Variants in HDAC9 observed in about 807,000 individuals in gnomAD.
HDAC9 encodes the protein MEF-2 interacting transcription repressor (MITR) protein.
HDAC9 carries 41 observed loss-of-function variants against 139.4 expected under a neutral mutation model. The observed-to-expected ratio is 0.29, with a 90% confidence interval of 0.23 to 0.38. The LOEUF (loss-of-function observed/expected upper bound fraction) is 0.38. HDAC9 is among the 10% of genes least tolerant of loss of function. HDAC9 has a pLI of 1.00. For missense variants in HDAC9, 1,147 were observed against 1,297.0 expected (o/e 0.88, Z 1.78); for synonymous variants, 517 against 476.2 (o/e 1.09, Z -1.12).
At chr7:18,455,442 A>C (rs1793255165) in intron 1 of HDAC9, among the ~76,000 whole-genome samples, 1 of 152,200 alleles carries the variant, frequency 6.6e-6, no homozygotes, top group Admixed American at 6.5e-5. Context: ...TACAGCATTT[A>C]AATGAAATGG....
chr7:18,137,362 A>G (rs933744484), intron 1 of HDAC9, among the ~76,000 whole-genome samples: 1 of 150,424 alleles, frequency 6.6e-6, no homozygotes, highest in Non-Finnish European at 1.5e-5. Context: ...GTGGTGAGAG[A>G]GGGCATCCCT....
chr7:18,354,328 G>T (rs1489725371), intron 1 of HDAC9, among the ~76,000 whole-genome samples: 3 of 152,092 alleles, frequency 2.0e-5, no homozygotes, highest in Admixed American at 6.6e-5. Flanking sequence ...TAACCATTAT[G>T]CAATAATGAA....
At chr7:18,920,785 C>A (rs181613961) in intron 22 of HDAC9, among the ~76,000 whole-genome samples, 2,074 of 152,112 alleles carry the variant, frequency 0.014, 47 homozygotes, top group African/African-American at 0.047. Flanking sequence ...TGTTTATATG[C>A]TGGATTACAT....
chr7:18,814,127 T>C (rs1794392920), intron 17 of HDAC9, among the ~76,000 whole-genome samples: 1 of 152,192 alleles, frequency 6.6e-6, no homozygotes, highest in African/African-American at 2.4e-5. Context: ...TTCTTCAGAC[T>C]CTACATCACT....
At chr7:18,594,052 C>CT (rs767649544) in intron 6 of HDAC9, 23 bp downstream of exon 6, 6 of 1,611,074 alleles carry the variant, frequency 3.7e-6, no homozygotes, top group South Asian at 3.3e-5. Flanking sequence ...AACAGGAACT[C>CT]TGTTTGCTCT....
chr7:18,904,095 G>T (rs1801982987), intron 22 of HDAC9, among the ~76,000 whole-genome samples: 1 of 152,240 alleles, frequency 6.6e-6, no homozygotes. Context: ...GAACAAGTAC[G>T]AGCTTTAGCA....
At chr7:18,507,046 T>C (rs1164988159) in intron 2 of HDAC9, among the ~76,000 whole-genome samples, 2 of 152,052 alleles carry the variant, frequency 1.3e-5, no homozygotes, top group African/African-American at 4.8e-5. Context: ...TTTTATATTT[T>C]ACTATTAACT....
chr7:18,283,861 T>A (rs1797263243), intron 2 of HDAC9, among the ~76,000 whole-genome samples: 1 of 152,180 alleles, frequency 6.6e-6, no homozygotes, highest in African/African-American at 2.4e-5. Context: ...TACTTTGGAT[T>A]TTTGGAAAGT....
At chr7:18,569,330 C>T (rs1469684785) in intron 2 of HDAC9, among the ~76,000 whole-genome samples, 2 of 152,032 alleles carry the variant, frequency 1.3e-5, no homozygotes, top group Admixed American at 1.3e-4. Flanking sequence ...AAATTGTTTT[C>T]CCAACCATTA....
intron 2 of HDAC9, among the ~76,000 whole-genome samples, chr7:18,270,691 A>G (rs951435673): frequency 1.3e-5 from 2 of 152,168 alleles, no homozygotes; most frequent in African/African-American, 4.8e-5. Context: ...GAAAAATGCT[A>G]AATTATTAGT....
chr7:18,301,075 GT>G (rs35318493), intron 1 of HDAC9, among the ~76,000 whole-genome samples: 26,456 of 150,574 alleles, frequency 0.18, 2,446 homozygotes, highest in East Asian at 0.26. Flanking sequence ...TGAAAACACT[GT>G]TTTTTTTTCC....
chr7:18,166,685 AG>A (rs2128130379), intron 2 of HDAC9, among the ~76,000 whole-genome samples: 1 of 152,330 alleles, frequency 6.6e-6, no homozygotes, highest in Non-Finnish European at 1.5e-5. Context: ...CAGGTTTTTT[AG>A]AAGCATATGG....
At chr7:18,530,200 C>T (rs1808427210) in intron 2 of HDAC9, among the ~76,000 whole-genome samples, 1 of 152,034 alleles carries the variant, frequency 6.6e-6, no homozygotes, top group South Asian at 2.1e-4. Flanking sequence ...GAGGTTGAGG[C>T]TGTAGTGAAC....
chr7:18,437,379 C>T (rs1025942171), intron 1 of HDAC9, among the ~76,000 whole-genome samples: 17 of 152,186 alleles, frequency 1.1e-4, no homozygotes, highest in South Asian at 6.2e-4. Flanking sequence ...TGTATCTCTG[C>T]GACCATGGAC....
intron 3 of HDAC9, among the ~76,000 whole-genome samples, chr7:18,587,739 A>G (rs1275897722): frequency 6.6e-6 from 1 of 152,198 alleles, no homozygotes; most frequent in African/African-American, 2.4e-5. Context: ...AAAGCTCTTA[A>G]GTTGCCCTGC....
intron 11 of HDAC9, among the ~76,000 whole-genome samples, chr7:18,651,630 GT>G (rs1789295270): frequency 6.6e-6 from 1 of 151,856 alleles, no homozygotes; most frequent in Non-Finnish European, 1.5e-5. Flanking sequence ...ATTTGAAAGA[GT>G]TTTTCATATC....
At chr7:18,978,365 G>T (rs941821307) in intron 25 of HDAC9, among the ~76,000 whole-genome samples, 1 of 152,120 alleles carries the variant, frequency 6.6e-6, no homozygotes, top group Non-Finnish European at 1.5e-5. Flanking sequence ...AAGAACCATT[G>T]TAAGTATTTT....
At chr7:18,463,634 A>T (rs1412423732) in intron 1 of HDAC9, among the ~76,000 whole-genome samples, 1 of 151,766 alleles carries the variant, frequency 6.6e-6, no homozygotes. Context: ...TTACCTTTTT[A>T]AAAAATTTCC....
intron 12 of HDAC9, among the ~76,000 whole-genome samples, chr7:18,700,110 C>A (rs185242170): frequency 6.6e-6 from 1 of 151,958 alleles, no homozygotes; most frequent in African/African-American, 2.4e-5. Flanking sequence ...GCATTGGAAG[C>A]TACAAGAAGA....
Sources: allele counts gnomAD v4.1 joint callset (sites outside exome capture counted in the v4.1 genomes callset), GRCh38; gene constraint gnomAD v4.1.1; transcripts MANE v1.5; gene names NCBI Gene and HGNC (gene_info 2026-07-23, HGNC 2026-07-21).